Variants in BMAL2 observed in about 807,000 individuals in gnomAD.
The protein encoded by BMAL2 is basic helix-loop-helix ARNT like 2, also known as basic helix-loop-helix ARNT-like protein 2.
the BMAL2 span, among the ~76,000 whole-genome samples, chr12:27,383,705 C>CA: frequency 2.0e-5 from 3 of 152,246 alleles, no homozygotes; most frequent in Admixed American, 6.5e-5. Flanking sequence ...ACCTAGCACT[C>CA]AGAGTCTGCG....
the BMAL2 span, among the ~76,000 whole-genome samples, chr12:27,371,127 TA>T: frequency 6.6e-6 from 1 of 152,244 alleles, no homozygotes; most frequent in African/African-American, 2.4e-5. Context: ...GTTGGGCATT[TA>T]AATAAGATTT....
the BMAL2 span, among the ~76,000 whole-genome samples, chr12:27,417,160 A>T: frequency 1.3e-5 from 2 of 152,228 alleles, no homozygotes; most frequent in East Asian, 3.8e-4. Flanking sequence ...CTATAGATAA[A>T]GTATGTCAAC....
the BMAL2 span, among the ~76,000 whole-genome samples, chr12:27,346,743 C>T: frequency 2.6e-5 from 4 of 152,138 alleles, no homozygotes; most frequent in African/African-American, 9.7e-5. Context: ...AAATTCAAAA[C>T]CATAGGTGTG....
chr12:27,395,195 T>C, the BMAL2 span, among the ~76,000 whole-genome samples: 1 of 152,216 alleles, frequency 6.6e-6, no homozygotes, highest in Non-Finnish European at 1.5e-5. Flanking sequence ...AATTGGCATT[T>C]TAAAATTTGG....
the BMAL2 span, among the ~76,000 whole-genome samples, chr12:27,367,255 CG>C: frequency 0.18 from 26,777 of 151,922 alleles, 2,977 homozygotes; most frequent in East Asian, 0.3. Flanking sequence ...AAGTGACTCG[CG>C]GGCAGGTGAC....
the BMAL2 span, among the ~76,000 whole-genome samples, chr12:27,392,206 G>T: frequency 6.6e-6 from 1 of 152,160 alleles, no homozygotes; most frequent in Non-Finnish European, 1.5e-5. Flanking sequence ...TCCCTCAGTT[G>T]TAAAATGGGA....
chr12:27,333,347 GC>G, the BMAL2 span, among the ~76,000 whole-genome samples: 1 of 152,002 alleles, frequency 6.6e-6, no homozygotes, highest in African/African-American at 2.4e-5. Context: ...AGCTGGGGTC[GC>G]CGCCGGCGCT....
the BMAL2 span, among the ~76,000 whole-genome samples, chr12:27,372,447 A>G: frequency 6.6e-6 from 1 of 152,164 alleles, no homozygotes; most frequent in African/African-American, 2.4e-5. Flanking sequence ...GGCTATTGTG[A>G]GTAATGCTAC....
chr12:27,409,823 G>A, the BMAL2 span, among the ~76,000 whole-genome samples: 1 of 152,036 alleles, frequency 6.6e-6, no homozygotes, highest in African/African-American at 2.4e-5. Context: ...CAGAATGGGA[G>A]AAAATTTTTG....
At chr12:27,383,293 GT>G in the BMAL2 span, among the ~76,000 whole-genome samples, 1 of 152,202 alleles carries the variant, frequency 6.6e-6, no homozygotes, top group Non-Finnish European at 1.5e-5. Flanking sequence ...ACAGCACAGT[GT>G]TCAAATGGTG....
chr12:27,424,036 TA>T, the BMAL2 span: 1 of 152,248 alleles, frequency 6.6e-6, no homozygotes, highest in Non-Finnish European at 1.5e-5. Flanking sequence ...TTATATTAAT[TA>T]CATGTTCAAA....
the BMAL2 span, among the ~76,000 whole-genome samples, chr12:27,372,745 CTCA>C: frequency 6.6e-6 from 1 of 152,150 alleles, no homozygotes; most frequent in African/African-American, 2.4e-5. Context: ...GTGATCTCGG[CTCA>C]CTGCAAGCTC....
chr12:27,368,370 A>G, the BMAL2 span: 5 of 1,614,154 alleles, frequency 3.1e-6, no homozygotes, highest in Non-Finnish European at 4.2e-6. Context: ...CACATGACAG[A>G]GTTTCCACGA....
chr12:27,392,652 T>C, the BMAL2 span, among the ~76,000 whole-genome samples: 63 of 110,986 alleles, frequency 5.7e-4, 2 homozygotes, highest in Admixed American at 5.6e-3. Context: ...CATTTGTAAA[T>C]CACCGAATCT....
the BMAL2 span, among the ~76,000 whole-genome samples, chr12:27,420,019 G>GCGCGCGCGCGCGCGCGCACACACACACA: frequency 2.7e-5 from 4 of 147,476 alleles, no homozygotes; most frequent in African/African-American, 1.0e-4. Flanking sequence ...GTTTGCGCGT[G>GCGCGCGCGCGCGCGCGCACACACACACA]CACACACACA....
chr12:27,389,092 A>T, the BMAL2 span: 3 of 927,224 alleles, frequency 3.2e-6, no homozygotes, highest in Non-Finnish European at 5.2e-6. Flanking sequence ...ATCAATCAAA[A>T]ATCAAAAAAG....
the BMAL2 span, among the ~76,000 whole-genome samples, chr12:27,406,512 A>G: frequency 2.0e-5 from 3 of 152,230 alleles, no homozygotes; most frequent in Non-Finnish European, 4.4e-5. Flanking sequence ...TAAGTGAAAG[A>G]GGAATAAAAT....
At chr12:27,359,740 TAAA>T in the BMAL2 span, among the ~76,000 whole-genome samples, 20 of 152,130 alleles carry the variant, frequency 1.3e-4, no homozygotes, top group Non-Finnish European at 2.4e-4. Context: ...GGGATAAAGA[TAAA>T]GAAGTCTGCT....
the BMAL2 span, chr12:27,333,263 A>G: frequency 4.2e-6 from 3 of 718,270 alleles, no homozygotes; most frequent in Non-Finnish European, 5.6e-6. Context: ...GCGGTGGGAC[A>G]AGGCCGCCCC....
Sources: gnomAD v4.1 joint callset for allele counts (sites outside exome capture counted in the v4.1 genomes callset) on GRCh38, gnomAD v4.1.1 for gene constraint, MANE v1.5 for transcripts, NCBI Gene and HGNC (gene_info 2026-07-23, HGNC 2026-07-21) for gene names.